The following C9 variants were observed in gnomAD, a reference collection of about 807,000 sequenced individuals.
C9 encodes the protein complement component C9.
Under a neutral mutation model 65.4 loss-of-function variants are expected in C9, and 63 were observed. The observed-to-expected ratio is 0.96, with a 90% CI of 0.79 to 1.19. The LOEUF (loss-of-function observed/expected upper bound fraction) is 1.19. Ranked by LOEUF, C9 falls within the 50% of genes most tolerant of loss-of-function variation. The pLI is 0.00. For missense variants in C9, 744 were observed against 670.1 expected, an observed-to-expected ratio of 1.11 and a Z score of -1.22; for synonymous variants, 229 against 227.9, an observed-to-expected ratio of 1.00 and a Z score of -0.04.
intron 9 of C9, among the ~76,000 whole-genome samples, chr5:39,302,692 G>A (rs1753306390): frequency 6.6e-6 from 1 of 152,078 alleles, no homozygotes; most frequent in Non-Finnish European, 1.5e-5. Context: ...TGGGAAAGGA[G>A]AACTGAGAAC....
chr5:39,295,441 A>T (rs1219549152), intron 9 of C9, among the ~76,000 whole-genome samples: 3 of 151,796 alleles, frequency 2.0e-5, no homozygotes, highest in Non-Finnish European at 4.4e-5. Flanking sequence ...GAATGCAAAA[A>T]GTCAATACCA....
At chr5:39,323,942 A>G (rs926975814) in intron 5 of C9, among the ~76,000 whole-genome samples, 9 of 152,176 alleles carry the variant, frequency 5.9e-5, no homozygotes, top group African/African-American at 1.7e-4. Flanking sequence ...AAGACAAAAA[A>G]TGTTAGAACT....
chr5:39,288,697 A>T, intron 10 of C9, 26 bp downstream of exon 10: 1 of 1,334,050 alleles, frequency 7.5e-7, no homozygotes, highest in Non-Finnish European at 1.1e-6. Flanking sequence ...TTTTGTCTTT[A>T]ATCACATCAA....
chr5:39,347,622 T>A (rs1177795841), intron 1 of C9, among the ~76,000 whole-genome samples: 5 of 152,128 alleles, frequency 3.3e-5, no homozygotes, highest in African/African-American at 1.2e-4. Flanking sequence ...TTCAATGCCA[T>A]CCCTATCAAG....
In C9 at chr5:39,336,204, T is replaced by A. The variant is rs368725569; in HGVS notation, c.477-4390A>T. Among the ~76,000 whole-genome samples the A allele has an allele frequency of 3.5e-4, 54 of 152,200 alleles. 1 individual carries two copies. In the East Asian group the frequency reaches 8.1e-3, roughly 23 times the overall value. Reference sequence around the variant, plus strand: ...TTTTTTAGTTATTTTTATTCCTTTTTATTTATTTTTTTAATAGGCTTTACT... The same window carrying A: ...TTTTTTAGTTATTTTTATTCCTTTTAATTTATTTTTTTAATAGGCTTTACT... On this transcript the variant is annotated intron_variant, in intron 4 of 10. Transcript: ENST00000263408.
rs1383845865 is a variant in C9 at position 39,284,259 on chromosome 5, CTCT to C, written c.*937_*939del. ...ATTTTTTTATTTTGATATATTTTTCCTCTTTTCTTTCTTTCTTTCCTTTTTTTA... is the reference window on the plus strand; with the variant it reads ...ATTTTTTTATTTTGATATATTTTTCCTTTCTTTCTTTCTTTCCTTTTTTTA... On this transcript the variant is annotated 3_prime_UTR_variant, in exon 11 of 11. Transcript: ENST00000263408. The C allele has an allele frequency of 6.6e-6, 1 of 150,872 alleles. No individual in the cohort carries two copies. Among genetic ancestry groups the C allele is most frequent in the Non-Finnish European group, 1.5e-5 (1 of 67,726 alleles). 9.3% of individuals were successfully genotyped at this position (150,872 alleles called of 1,614,324 possible). A position where few individuals can be genotyped will look rare whatever the true frequency, so the allele number is the denominator to read the frequency against.
chr5:39,306,029 G>A (rs1753368300), intron 9 of C9, among the ~76,000 whole-genome samples: 1 of 151,986 alleles, frequency 6.6e-6, no homozygotes, highest in East Asian at 1.9e-4. Context: ...TCGATGTGGT[G>A]GTGCGCATCT....
intron 6 of C9, among the ~76,000 whole-genome samples, chr5:39,312,039 C>T (rs152255): frequency 0.23 from 35,609 of 151,902 alleles, 5,029 homozygotes; most frequent in Non-Finnish European, 0.32. Flanking sequence ...TGGTAGGGAA[C>T]GGAAAAGGGC....
chr5:39,318,717 T>C (rs1187138925), intron 5 of C9, among the ~76,000 whole-genome samples: 1 of 152,078 alleles, frequency 6.6e-6, no homozygotes, highest in Non-Finnish European at 1.5e-5. Flanking sequence ...ATGGACTGGA[T>C]TTAGTATTGA....
At position 39,347,536 on chromosome 5, in the gene C9, G is replaced by A. The variant is rs552371080; in HGVS notation, c.78-5340C>T. On this transcript the variant is annotated intron_variant, in intron 1 of 10. Transcript: ENST00000263408. ...CAAAATAAGAGGATGCAAACAAATG[G>A]AAGAACATTCCATGCTCATGGATAG... Among the ~76,000 whole-genome samples, 9 of 152,242 alleles carry A rather than the reference G, an allele frequency of 5.9e-5. No individual in the cohort carries two copies. The South Asian group carries it at 1.9e-3, about 32-fold the overall frequency.
At chr5:39,324,750 T>A (rs938977446) in intron 5 of C9, among the ~76,000 whole-genome samples, 1 of 151,976 alleles carries the variant, frequency 6.6e-6, no homozygotes, top group African/African-American at 2.4e-5. Context: ...GTAACCATCA[T>A]AGAGAGAAAA....
At chr5:39,356,859 C>T (rs1386409022) in intron 1 of C9, among the ~76,000 whole-genome samples, 1 of 152,240 alleles carries the variant, frequency 6.6e-6, no homozygotes, top group Non-Finnish European at 1.5e-5. Flanking sequence ...ATATGTACAA[C>T]ACTTACCACC....
chr5:39,330,955 C>T (rs1430158741), intron 5 of C9, among the ~76,000 whole-genome samples: 3 of 152,188 alleles, frequency 2.0e-5, no homozygotes, highest in Non-Finnish European at 2.9e-5. Context: ...CTGAATAAGG[C>T]AGACCTTGTG....
chr5:39,321,924 G>A (rs372522132), intron 5 of C9, among the ~76,000 whole-genome samples: 2 of 151,972 alleles, frequency 1.3e-5, no homozygotes, highest in East Asian at 1.9e-4. Flanking sequence ...AATACTCCAC[G>A]TTCAACAATA....
intron 5 of C9, among the ~76,000 whole-genome samples, chr5:39,329,803 T>C (rs1753811798): frequency 6.6e-6 from 1 of 152,098 alleles, no homozygotes; most frequent in South Asian, 2.1e-4. Flanking sequence ...CTGATACACA[T>C]GAGAAAGTAA....
At chr5:39,330,945 C>T (rs962471985) in intron 5 of C9, among the ~76,000 whole-genome samples, 25 of 152,192 alleles carry the variant, frequency 1.6e-4, no homozygotes, top group African/African-American at 6.0e-4. Flanking sequence ...CCTGTAATAA[C>T]TGAATAAGGC....
intron 1 of C9, among the ~76,000 whole-genome samples, chr5:39,359,070 A>ATG (rs1561357742): frequency 1.2e-4 from 14 of 120,142 alleles, no homozygotes; most frequent in Non-Finnish European, 2.1e-4. Flanking sequence ...GTATATATAT[A>ATG]TGTGTGTGTA....
intron 4 of C9, among the ~76,000 whole-genome samples, chr5:39,337,240 C>T (rs934742531): frequency 5.3e-5 from 8 of 152,138 alleles, no homozygotes; most frequent in Non-Finnish European, 1.0e-4. Context: ...TTTGTCTGCC[C>T]TTGGAAAGTT....
At chr5:39,285,359 G>A (rs946404388) in intron 10 of C9, 126 bp from the exon 11 acceptor site, 1 of 762,986 alleles carries the variant, frequency 1.3e-6, no homozygotes, top group East Asian at 2.6e-5. Context: ...TCTAGGTACT[G>A]GGAATAGAAT....
Sources: allele counts gnomAD v4.1 joint callset (sites outside exome capture counted in the v4.1 genomes callset), GRCh38; gene constraint gnomAD v4.1.1; transcripts MANE v1.5; gene names NCBI Gene and HGNC (gene_info 2026-07-23, HGNC 2026-07-21).